NRL: variants seen among roughly 807,000 people sequenced by gnomAD.
NRL encodes the protein neural retina-specific leucine zipper protein.
NRL carries 16 observed loss-of-function variants against 12.5 expected under a neutral mutation model. The observed-to-expected ratio is 1.28, with a 90% CI of 0.87 to 1.95. The LOEUF (loss-of-function observed/expected upper bound fraction) is 1.95. Ranked by LOEUF, NRL falls within the 30% of genes most tolerant of loss-of-function variation. The pLI is 0.00. For synonymous variants in NRL, 142 were observed against 150.9 expected, an observed-to-expected ratio of 0.94 and a Z score of 0.43; for missense variants, 314 against 325.8, an observed-to-expected ratio of 0.96 and a Z score of 0.28.
chr14:24,112,420 C>T (rs1228639688), intron 1 of NRL, among the ~76,000 whole-genome samples: 2 of 149,740 alleles, frequency 1.3e-5, no homozygotes, highest in African/African-American at 2.5e-5. Context: ...GCAAAAGAAA[C>T]TACCATCAGA....
rs56231616 is a variant in NRL, at chr14:24,094,020, G to C, written c.-27-11145C>G. The C allele has an allele frequency of 1.5e-3, 781 of 522,586 alleles. 3 individuals are homozygous for C. Among genetic ancestry groups the C allele is most frequent in the Non-Finnish European group, 2.0e-3 (610 of 298,610 alleles). 32.4% of individuals were successfully genotyped at this position (522,586 alleles called of 1,614,324 possible). ...TTGCCACCTAGTGTCTCTCCCGGGA[G>C]CAAGAGTCCTCAAAGTTACATCATG... On this transcript the variant is annotated intron_variant, in intron 1 of 2. Coordinates refer to ENST00000561028, the MANE Select transcript of NRL (RefSeq NM_001354768.3). The surrounding 1 kb of genome is among the most constrained non-coding windows in gnomAD (Gnocchi z 4.1).
intron 1 of NRL, among the ~76,000 whole-genome samples, chr14:24,104,658 CAAAA>C (rs1566583685): frequency 1.4e-5 from 2 of 146,508 alleles, no homozygotes; most frequent in Admixed American, 1.4e-4. Context: ...AAAAACAAAA[CAAAA>C]CAAAACAAAA....
At chr14:24,110,750 G>A (rs116531668) in intron 1 of NRL, among the ~76,000 whole-genome samples, 3,195 of 152,140 alleles carry the variant, frequency 0.021, 88 homozygotes, top group African/African-American at 0.07. Flanking sequence ...ATGCATGTCC[G>A]GCCTAGATTT....
At chr14:24,107,697 C>T (rs2037360131) in intron 1 of NRL, among the ~76,000 whole-genome samples, 1 of 152,074 alleles carries the variant, frequency 6.6e-6, no homozygotes, top group Non-Finnish European at 1.5e-5. Flanking sequence ...TTCAATTTAC[C>T]CATTGACGAA....
rs535294219 is a variant in NRL, at chr14:24,078,860, G to C, written c.*2376C>G. Among the ~76,000 whole-genome samples, 5 of 152,180 alleles carry C rather than the reference G, an allele frequency of 3.3e-5. No individual in the cohort carries two copies. Among genetic ancestry groups the C allele is most frequent in the Non-Finnish European group, 5.9e-5 (4 of 68,026 alleles). ...CTGCCACCCAGGCTGGAATGCAGTG[G>C]CACGATTATGGCTCACTGCATCCCC... On this transcript the variant is annotated 3_prime_UTR_variant, in exon 3 of 3. Coordinates refer to ENST00000561028, the MANE Select transcript of NRL (RefSeq NM_001354768.3).
intron 1 of NRL, chr14:24,103,776 G>T: frequency 6.2e-7 from 1 of 1,614,202 alleles, no homozygotes; most frequent in Non-Finnish European, 8.5e-7. Flanking sequence ...GGTGCCAAAG[G>T]AAGGAGCCTT....
chr14:24,098,213 C>T lies in NRL; in HGVS notation c.-27-15338G>A, dbSNP rs199747837. 38 of 1,608,662 alleles carry T rather than the reference C, an allele frequency of 2.4e-5. No individual in the cohort carries two copies. Among genetic ancestry groups the T allele is most frequent in the African/African-American group, 1.6e-4 (12 of 74,980 alleles). ...TCCCCTCTCCCCCAGCTGGCTGGCC[C>T]GCACAGACCCCAAGGATGTGGCACG... On this transcript the variant is annotated intron_variant, in intron 1 of 2. Coordinates refer to ENST00000561028, the MANE Select transcript of NRL (RefSeq NM_001354768.3).
intron 1 of NRL, chr14:24,098,241 T>C (rs2036984638): frequency 1.2e-6 from 2 of 1,613,224 alleles, no homozygotes; most frequent in African/African-American, 1.3e-5. Context: ...GTGGCACGAG[T>C]AGAGAGCAAG....
At chr14:24,110,905 T>C (rs1255393327) in intron 1 of NRL, among the ~76,000 whole-genome samples, 1 of 152,170 alleles carries the variant, frequency 6.6e-6, no homozygotes, top group Non-Finnish European at 1.5e-5. Flanking sequence ...TTAGCAGAAA[T>C]ATCAAAAAAT....
chr14:24,099,340 G>A (rs2037055668), intron 1 of NRL: 2 of 1,203,812 alleles, frequency 1.7e-6, no homozygotes, highest in Non-Finnish European at 2.3e-6. Flanking sequence ...TGCCAGGCTG[G>A]TGGGCGGGGA....
chr14:24,111,268 C>G (rs151038820), intron 1 of NRL, among the ~76,000 whole-genome samples: 3 of 152,238 alleles, frequency 2.0e-5, no homozygotes, highest in Non-Finnish European at 4.4e-5. Flanking sequence ...CGTAAGCCAC[C>G]GTGCCCAGCT....
intron 1 of NRL, chr14:24,100,611 C>A: frequency 9.5e-7 from 1 of 1,051,858 alleles, no homozygotes; most frequent in Non-Finnish European, 1.2e-6. Flanking sequence ...GACTTTTGAA[C>A]ATTCTTACAG....
chr14:24,103,810 T>C lies in NRL; in HGVS notation c.-28+10912A>G, dbSNP rs749578321. 14 of 1,614,004 alleles carry C rather than the reference T, an allele frequency of 8.7e-6. No individual in the cohort carries two copies. The highest frequency in any genetic ancestry group is 3.3e-5 in the Admixed American group (2 of 60,002). ...TTGGATCTCAGCGGCCTCAGAGCTATAGACACCACTCAGCTGTTCTCCCTC... is the reference window on the plus strand; with the variant it reads ...TTGGATCTCAGCGGCCTCAGAGCTACAGACACCACTCAGCTGTTCTCCCTC... On this transcript the variant is annotated intron_variant, in intron 1 of 2. Coordinates refer to ENST00000561028, the MANE Select transcript of NRL (RefSeq NM_001354768.3).
chr14:24,090,847 G>T (rs1021567185), intron 1 of NRL, among the ~76,000 whole-genome samples: 9 of 152,232 alleles, frequency 5.9e-5, no homozygotes, highest in African/African-American at 2.2e-4. Flanking sequence ...TCTGCCTAAA[G>T]CTAGAGAAGA....
In NRL at chr14:24,114,807, G is replaced by A. The variant is rs2037501047; in HGVS notation, c.-113C>T. ...ACGTTTGCAGCCCGCCGGCCAGGAA[G>A]CCGCGAGATGCGTGACGAGCGAAGC... On this transcript the variant is annotated 5_prime_UTR_variant, in exon 1 of 3. Transcript: ENST00000561028. 3.0e-6 allele frequency: 3 copies of A among 985,864 alleles called. No individual in the cohort carries two copies. The South Asian group carries it at 1.4e-4, about 46-fold the overall frequency. The allele number at this position is 985,864 out of a possible 1,614,324, so 61.1% of individuals were successfully genotyped here.
intron 1 of NRL, chr14:24,100,139 A>AC (rs768602121): frequency 1.2e-6 from 2 of 1,613,776 alleles, no homozygotes; most frequent in African/African-American, 2.7e-5. Flanking sequence ...GGTGGCGTGT[A>AC]CTGGGAGGGC....
intron 1 of NRL, among the ~76,000 whole-genome samples, chr14:24,096,304 T>G (rs2036882800): frequency 7.0e-6 from 1 of 143,004 alleles, no homozygotes; most frequent in Non-Finnish European, 1.5e-5. Flanking sequence ...AGTGTCCCGA[T>G]CTCGGCTCAC....
intron 1 of NRL, among the ~76,000 whole-genome samples, chr14:24,107,158 T>A (rs2138989792): frequency 6.6e-6 from 1 of 152,294 alleles, no homozygotes; most frequent in East Asian, 1.9e-4. Context: ...TCCCTCCAGC[T>A]AAGAGGCAGG....
intron 1 of NRL, chr14:24,099,680 T>C: frequency 6.2e-7 from 1 of 1,613,676 alleles, no homozygotes; most frequent in East Asian, 2.2e-5. Flanking sequence ...AAGTGGAGTG[T>C]GTGGGGGATG....
Sources: allele counts gnomAD v4.1 joint callset (sites outside exome capture counted in the v4.1 genomes callset), GRCh38; gene constraint gnomAD v4.1.1; non-coding constraint Gnocchi (gnomAD v3.1); transcripts MANE v1.5; gene names NCBI Gene and HGNC (gene_info 2026-07-23, HGNC 2026-07-21).